PCDH9: variants seen among roughly 807,000 people sequenced by gnomAD.
PCDH9 encodes the protein protocadherin 9, also known as protocadherin-9.
In PCDH9, 24 loss-of-function variants were observed where a neutral mutation model predicts 70.6. That is an observed-to-expected ratio of 0.34 (90% confidence interval 0.25 to 0.48). PCDH9 has a LOEUF of 0.48. PCDH9 is among the 20% of genes least tolerant of loss of function. The pLI, the probability that PCDH9 is intolerant of heterozygous loss-of-function variation, is 0.99. For missense variants in PCDH9, 1,281 were observed against 1,503.6 expected (o/e 0.85, Z 2.45); for synonymous variants, 562 against 558.5 (o/e 1.01, Z -0.09).
intron 3 of PCDH9, among the ~76,000 whole-genome samples, chr13:66,873,932 C>CTTTTTTTTTTTTTTTTTT: frequency 1.0e-5 from 1 of 97,484 alleles, no homozygotes. Flanking sequence ...TTTTTTTTTT[C>CTTTTTTTTTTTTTTTTTT]TTTCTTTCTT....
chr13:66,801,170 T>G (rs2080320872), intron 3 of PCDH9, among the ~76,000 whole-genome samples: 1 of 152,032 alleles, frequency 6.6e-6, no homozygotes, highest in African/African-American at 2.4e-5. Context: ...GTCAACTAAA[T>G]TAATGAACAT....
At chr13:66,636,731 ACTATGTAT>A (rs1361519554) in intron 3 of PCDH9, among the ~76,000 whole-genome samples, 4 of 152,036 alleles carry the variant, frequency 2.6e-5, no homozygotes, top group Non-Finnish European at 5.9e-5. Flanking sequence ...TATCATTCTA[ACTATGTAT>A]CTATGTATCT....
At chr13:66,536,528 A>G (rs1593638799) in intron 4 of PCDH9, among the ~76,000 whole-genome samples, 1 of 152,116 alleles carries the variant, frequency 6.6e-6, no homozygotes, top group African/African-American at 2.4e-5. Flanking sequence ...ACATGACTCA[A>G]TGTGGCTTTT....
chr13:67,141,415 TTCTCTC>T (rs540110973), intron 2 of PCDH9, among the ~76,000 whole-genome samples: 1 of 150,602 alleles, frequency 6.6e-6, no homozygotes, highest in Non-Finnish European at 1.5e-5. Context: ...TAGTAAGATC[TTCTCTC>T]TCTCTCTCTC....
At chr13:66,606,480 G>A (rs1041225753) in intron 4 of PCDH9, among the ~76,000 whole-genome samples, 1 of 152,070 alleles carries the variant, frequency 6.6e-6, no homozygotes, top group African/African-American at 2.4e-5. Flanking sequence ...AAACCTGTAT[G>A]CTTCTACAGG....
chr13:66,374,460 G>A (rs544045593), intron 4 of PCDH9, among the ~76,000 whole-genome samples: 5 of 152,044 alleles, frequency 3.3e-5, no homozygotes, highest in African/African-American at 7.2e-5. Context: ...ATAGGAAGCC[G>A]GGGAGACAGG....
chr13:66,691,037 T>C (rs2078477106), intron 3 of PCDH9, among the ~76,000 whole-genome samples: 1 of 152,086 alleles, frequency 6.6e-6, no homozygotes, highest in South Asian at 2.1e-4. Context: ...TTTATTTATT[T>C]ATTTATTTTA....
At chr13:66,444,279 C>A (rs1190516572) in intron 4 of PCDH9, among the ~76,000 whole-genome samples, 2 of 152,150 alleles carry the variant, frequency 1.3e-5, no homozygotes, top group Non-Finnish European at 2.9e-5. Context: ...ACTCTGTTGG[C>A]CAGTAATGGT....
At chr13:66,808,993 G>T (rs1252462247) in intron 3 of PCDH9, among the ~76,000 whole-genome samples, 1 of 152,142 alleles carries the variant, frequency 6.6e-6, no homozygotes, top group Non-Finnish European at 1.5e-5. Flanking sequence ...TGTCACCCAC[G>T]CTGGAGTGCG....
intron 4 of PCDH9, among the ~76,000 whole-genome samples, chr13:66,493,085 G>A (rs1320869459): frequency 2.0e-5 from 3 of 152,090 alleles, no homozygotes; most frequent in Non-Finnish European, 4.4e-5. Context: ...TTTCCTATGT[G>A]ACTATAAGCT....
At chr13:67,129,129 T>G (rs2087047700) in intron 2 of PCDH9, among the ~76,000 whole-genome samples, 1 of 152,212 alleles carries the variant, frequency 6.6e-6, no homozygotes. Flanking sequence ...TATTTCTGTT[T>G]TATGCTGAAT....
At chr13:66,523,914 G>T (rs1264105259) in intron 4 of PCDH9, among the ~76,000 whole-genome samples, 1 of 151,930 alleles carries the variant, frequency 6.6e-6, no homozygotes, top group Admixed American at 6.6e-5. Context: ...TTTATAATGG[G>T]TTATACATTT....
chr13:66,569,014 T>TTTTTTG, intron 4 of PCDH9, among the ~76,000 whole-genome samples: 1 of 137,934 alleles, frequency 7.2e-6, no homozygotes, highest in African/African-American at 2.8e-5. Context: ...TTTTTTTTTT[T>TTTTTTG]TTTTTGAGAT....
rs776344142 is a variant in PCDH9 at position 66,332,809 on chromosome 13, C to CAT, written c.3341-27783_3341-27782dup. Among the ~76,000 whole-genome samples, 25 of 149,376 alleles carry CAT rather than the reference C, an allele frequency of 1.7e-4. 1 individual carries two copies. Among genetic ancestry groups the CAT allele is most frequent in the Middle Eastern group, 3.5e-3 (1 of 284 alleles). ...TGTTTAGCACAACTCTAAAGAAAGG[C>CAT]ATATATATATATGTATATATATATA... is the stretch of plus-strand genomic sequence containing the variant. On this transcript the variant is annotated intron_variant, in intron 4 of 4. Coordinates refer to ENST00000377865, the MANE Select transcript of PCDH9 (RefSeq NM_203487.3).
chr13:66,566,258 T>G (rs1427955370), intron 4 of PCDH9, among the ~76,000 whole-genome samples: 1 of 152,168 alleles, frequency 6.6e-6, no homozygotes, highest in Non-Finnish European at 1.5e-5. Context: ...AAGAAAGAAC[T>G]AATGTGTTTC....
At chr13:66,619,172 C>T (rs565263584) in intron 4 of PCDH9, among the ~76,000 whole-genome samples, 82 of 151,864 alleles carry the variant, frequency 5.4e-4, no homozygotes, top group African/African-American at 2.0e-3. Flanking sequence ...CCTGTGGTAC[C>T]CCCTTTTAAA....
At chr13:66,694,657 T>C (rs1029150240) in intron 3 of PCDH9, among the ~76,000 whole-genome samples, 52 of 152,034 alleles carry the variant, frequency 3.4e-4, no homozygotes, top group Non-Finnish European at 6.5e-4. Context: ...ATAAAAAAGA[T>C]ATGAAAACAT....
At chr13:66,825,936 A>G (rs2080816958) in intron 3 of PCDH9, among the ~76,000 whole-genome samples, 1 of 152,174 alleles carries the variant, frequency 6.6e-6, no homozygotes, top group South Asian at 2.1e-4. Flanking sequence ...TATTGATCGC[A>G]ATCATTTGGT....
intron 2 of PCDH9, among the ~76,000 whole-genome samples, chr13:67,094,117 C>A (rs986538381): frequency 2.4e-4 from 36 of 152,140 alleles, no homozygotes; most frequent in African/African-American, 7.9e-4. Flanking sequence ...TATATAAATA[C>A]CCCCAAACAA....
Sources: gnomAD v4.1 joint callset for allele counts (sites outside exome capture counted in the v4.1 genomes callset) on GRCh38, gnomAD v4.1.1 for gene constraint, MANE v1.5 for transcripts, NCBI Gene and HGNC (gene_info 2026-07-23, HGNC 2026-07-21) for gene names.